Variants in PRKAA1 observed in about 807,000 individuals in gnomAD.
PRKAA1 encodes the protein protein kinase AMP-activated catalytic subunit alpha 1.
In PRKAA1, 23 loss-of-function variants were observed where a neutral mutation model predicts 56.9. The ratio of observed to expected loss-of-function variants is 0.40; its 90% CI spans 0.29 to 0.57. PRKAA1 has a LOEUF of 0.57. PRKAA1 is among the 20% of genes least tolerant of loss of function. The probability of loss-of-function intolerance (pLI) is 0.39; values close to 1 mark genes in which losing one functional copy is unlikely to be tolerated. For synonymous variants in PRKAA1, 226 were observed against 227.0 expected (o/e 1.00, Z 0.04); for missense variants, 413 against 679.7 (o/e 0.61, Z 4.36).
At chr5:40,772,537 A>G (rs1743795079) in intron 3 of PRKAA1, among the ~76,000 whole-genome samples, 2 of 152,072 alleles carry the variant, frequency 1.3e-5, no homozygotes, top group African/African-American at 2.4e-5. Flanking sequence ...AAAATATCAT[A>G]GCATTTTATC....
chr5:40,759,876 T>C lies in PRKAA1; in HGVS notation c.*2902A>G, dbSNP rs1331630622. The C allele has an allele frequency of 6.6e-6, 1 of 152,384 alleles. No homozygotes were observed. The highest frequency in any genetic ancestry group is 2.4e-5 in the African/African-American group (1 of 41,438). 9.4% of individuals were successfully genotyped at this position (152,384 alleles called of 1,614,324 possible). ...TGAAATTATTTTAAATTAGATATGA[T>C]ATATTAAGCTCCCATATGCCCCAAC... is the stretch of plus-strand genomic sequence containing the variant. On this transcript the variant is annotated 3_prime_UTR_variant, in exon 9 of 9. Transcript: ENST00000397128.
chr5:40,768,326 A>T, intron 5 of PRKAA1: 1 of 623,394 alleles, frequency 1.6e-6, no homozygotes, highest in Non-Finnish European at 2.0e-6. Context: ...AAGAGCTTGA[A>T]GAAAGACTTT....
At chr5:40,779,474 CAT>C (rs1463239060) in intron 1 of PRKAA1, among the ~76,000 whole-genome samples, 6 of 152,216 alleles carry the variant, frequency 3.9e-5, no homozygotes, top group African/African-American at 1.2e-4. Context: ...GCACTAATAA[CAT>C]ATTTTTGCAA....
At chr5:40,765,474 G>A (rs769040586) in intron 6 of PRKAA1, among the ~76,000 whole-genome samples, 10 of 151,906 alleles carry the variant, frequency 6.6e-5, no homozygotes, top group Non-Finnish European at 1.3e-4. Context: ...AGCAATGGGG[G>A]GAAAAAAGTT....
intron 1 of PRKAA1, among the ~76,000 whole-genome samples, chr5:40,785,472 G>A (rs913337175): frequency 6.6e-6 from 1 of 151,716 alleles, no homozygotes; most frequent in Non-Finnish European, 1.5e-5. Flanking sequence ...ACTCCTGACC[G>A]CAGGTGATCC....
chr5:40,779,292 A>G (rs2112050152), intron 1 of PRKAA1, among the ~76,000 whole-genome samples: 1 of 152,284 alleles, frequency 6.6e-6, no homozygotes, highest in South Asian at 2.1e-4. Flanking sequence ...CCTAAAATCT[A>G]AAATTCCAAA....
intron 2 of PRKAA1, chr5:40,777,011 G>C (rs1744036318): frequency 1.9e-5 from 3 of 154,368 alleles, no homozygotes; most frequent in African/African-American, 7.2e-5. Context: ...TGAATGGGAA[G>C]AAACTTTTAT....
intron 3 of PRKAA1, among the ~76,000 whole-genome samples, chr5:40,774,203 T>A (rs990846539): frequency 1.3e-5 from 2 of 152,052 alleles, no homozygotes; most frequent in Non-Finnish European, 2.9e-5. Context: ...CAGCCAAGAA[T>A]CACCAAATAT....
chr5:40,774,940 G>C, intron 3 of PRKAA1: 1 of 1,602,848 alleles, frequency 6.2e-7, no homozygotes, highest in Non-Finnish European at 8.5e-7. Context: ...CCTTCGTGGA[G>C]CCTGTTTTTA....
intron 1 of PRKAA1, among the ~76,000 whole-genome samples, chr5:40,796,545 A>C (rs752245069): frequency 3.2e-4 from 49 of 152,226 alleles, no homozygotes; most frequent in Non-Finnish European, 2.8e-4. Flanking sequence ...TCCATGGCAC[A>C]GAAACATCTT....
chr5:40,768,882 C>G (rs1255438106), intron 5 of PRKAA1: 1 of 1,561,960 alleles, frequency 6.4e-7, no homozygotes, highest in Non-Finnish European at 8.7e-7. Context: ...TCTTCATGTT[C>G]TCAATGCTGG....
rs140883748 is a variant in PRKAA1, at chr5:40,777,700, G to A, written c.128-114C>T. 1.1e-3 allele frequency: 1,019 copies of A among 953,874 alleles called. 6 individuals carry two copies. In the African/African-American group the frequency reaches 0.015, roughly 14 times the overall value. The allele number at this position is 953,874 out of a possible 1,614,324, so 59.1% of individuals were successfully genotyped here. The stretch of plus-strand genomic sequence containing the variant: ...TGTAATCCCAGCACTTTGGGAGGCC[G>A]AGGCGAGTAGATCACTTGAGGTCAG... On this transcript the variant is annotated intron_variant, in intron 1 of 8. Coordinates refer to ENST00000397128, the MANE Select transcript of PRKAA1 (RefSeq NM_006251.6).
At chr5:40,779,416 T>A (rs569688119) in intron 1 of PRKAA1, among the ~76,000 whole-genome samples, 3 of 152,126 alleles carry the variant, frequency 2.0e-5, no homozygotes, top group African/African-American at 7.2e-5. Context: ...TTGAGAAACA[T>A]AAAAACACAA....
chr5:40,777,304 C>T, intron 2 of PRKAA1, 141 bp downstream of exon 2: 1 of 929,328 alleles, frequency 1.1e-6, no homozygotes, highest in Admixed American at 2.8e-5. Context: ...TGAGCCACCG[C>T]ACACAGCCTA....
chr5:40,788,206 G>A (rs972043302), intron 1 of PRKAA1, among the ~76,000 whole-genome samples: 1 of 152,136 alleles, frequency 6.6e-6, no homozygotes, highest in Non-Finnish European at 1.5e-5. Context: ...GGATAGCCCA[G>A]AATAAATGCA....
intron 1 of PRKAA1, among the ~76,000 whole-genome samples, chr5:40,795,657 C>A (rs1267547294): frequency 6.6e-6 from 1 of 152,184 alleles, no homozygotes; most frequent in Non-Finnish European, 1.5e-5. Flanking sequence ...CAGATAAGTT[C>A]TTTACTAGGC....
intron 2 of PRKAA1, among the ~76,000 whole-genome samples, chr5:40,776,158 A>G (rs1046923278): frequency 5.3e-5 from 8 of 152,226 alleles, no homozygotes; most frequent in African/African-American, 1.4e-4. Context: ...CATGAGACAG[A>G]TGGTGGCTGA....
chr5:40,762,841 A>G lies in PRKAA1; in HGVS notation c.1617T>C (p.Pro539=). 2 of 1,614,130 alleles carry G rather than the reference A, an allele frequency of 1.2e-6. No individual in the cohort carries two copies. The highest frequency in any genetic ancestry group is 1.1e-5 in the South Asian group (1 of 91,092). ...DSSPVDLTPR[P]GSHTIEFFEM... ...CAAAAAATTCTATTGTGTGACTTCC[A>G]GGTCTTGGAGTTAGGTCAACAGGAG... Residue 539 remains proline (P), a synonymous_variant, in exon 9 of 9, where the codon CCT becomes CCC. Coordinates refer to ENST00000397128, the MANE Select transcript of PRKAA1 (RefSeq NM_006251.6).
At chr5:40,797,710 G>C (rs1352066994) in intron 1 of PRKAA1, among the ~76,000 whole-genome samples, 1 of 152,222 alleles carries the variant, frequency 6.6e-6, no homozygotes, top group African/African-American at 2.4e-5. Flanking sequence ...CGCCTCCCCG[G>C]GGATCGCGCC....
Sources: allele counts gnomAD v4.1 joint callset (sites outside exome capture counted in the v4.1 genomes callset), GRCh38; gene constraint gnomAD v4.1.1; transcripts MANE v1.5; gene names NCBI Gene and HGNC (gene_info 2026-07-23, HGNC 2026-07-21).